Variants in GRIK4 observed in about 807,000 individuals in gnomAD.
GRIK4 encodes glutamate receptor ionotropic, kainate 4.
In GRIK4, 40 loss-of-function variants were observed where a neutral mutation model predicts 104.9. The ratio of observed to expected loss-of-function variants is 0.38; its 90% CI spans 0.30 to 0.50. The LOEUF (loss-of-function observed/expected upper bound fraction) is 0.50, where lower values mean the gene tolerates loss of function less well. Ranked by LOEUF, GRIK4 falls within the 20% of genes least tolerant of loss-of-function variation. The pLI is 0.93. For synonymous variants in GRIK4, 485 were observed against 524.9 expected, an observed-to-expected ratio of 0.92 and a Z score of 1.04; for missense variants, 1,047 against 1,308.1, an observed-to-expected ratio of 0.80 and a Z score of 3.08.
At chr11:120,954,649 C>G (rs1012322032) in intron 15 of GRIK4, among the ~76,000 whole-genome samples, 1 of 152,066 alleles carries the variant, frequency 6.6e-6, no homozygotes, top group African/African-American at 2.4e-5. Flanking sequence ...GAGCTTTCAA[C>G]CAGCCCTGGG....
At chr11:120,676,704 C>T (rs568286324) in intron 3 of GRIK4, among the ~76,000 whole-genome samples, 9 of 152,200 alleles carry the variant, frequency 5.9e-5, no homozygotes, top group South Asian at 4.1e-4. Flanking sequence ...CCCCCACAAC[C>T]CAAACACCTC....
chr11:120,610,793 T>C (rs530363042), intron 1 of GRIK4, among the ~76,000 whole-genome samples: 2 of 152,330 alleles, frequency 1.3e-5, no homozygotes, highest in East Asian at 3.9e-4. Context: ...TTGCCCATTC[T>C]GCCCTAGGGA....
intron 1 of GRIK4, among the ~76,000 whole-genome samples, chr11:120,518,292 C>T (rs1016969780): frequency 4.6e-5 from 7 of 152,200 alleles, no homozygotes; most frequent in Non-Finnish European, 1.0e-4. Flanking sequence ...GGCAGCTGTG[C>T]TGAGCACGAG....
At chr11:120,867,442 C>T (rs1954452334) in intron 9 of GRIK4, among the ~76,000 whole-genome samples, 1 of 152,144 alleles carries the variant, frequency 6.6e-6, no homozygotes, top group Non-Finnish European at 1.5e-5. Flanking sequence ...CTTTCTCTCC[C>T]TCTTCTCCCC....
intron 1 of GRIK4, among the ~76,000 whole-genome samples, chr11:120,652,294 A>G (rs1667959584): frequency 1.3e-5 from 2 of 152,234 alleles, no homozygotes; most frequent in Non-Finnish European, 1.5e-5. Context: ...ATTTTACAGA[A>G]TGAGAGACTG....
intron 1 of GRIK4, among the ~76,000 whole-genome samples, chr11:120,566,530 G>C (rs745631998): frequency 2.0e-5 from 3 of 152,222 alleles, no homozygotes; most frequent in Non-Finnish European, 4.4e-5. Flanking sequence ...CTGAGCATAT[G>C]TGGCACATAC....
At chr11:120,613,763 G>A (rs892528453) in intron 1 of GRIK4, among the ~76,000 whole-genome samples, 2 of 152,150 alleles carry the variant, frequency 1.3e-5, no homozygotes, top group African/African-American at 4.8e-5. Flanking sequence ...GCGTCTGTGT[G>A]GTCCAAGGGA....
intron 19 of GRIK4, among the ~76,000 whole-genome samples, chr11:120,978,368 T>C (rs182823630): frequency 6.6e-6 from 1 of 152,274 alleles, no homozygotes; most frequent in East Asian, 1.9e-4. Flanking sequence ...CCGAGCTAAG[T>C]CTTAAAGCAA....
At chr11:120,764,972 C>T (rs1951807928) in intron 3 of GRIK4, among the ~76,000 whole-genome samples, 1 of 152,044 alleles carries the variant, frequency 6.6e-6, no homozygotes, top group South Asian at 2.1e-4. Flanking sequence ...TTGTGGTGTT[C>T]TCTGTATTTC....
chr11:120,780,447 A>G (rs770866614), intron 3 of GRIK4, among the ~76,000 whole-genome samples: 1 of 152,214 alleles, frequency 6.6e-6, no homozygotes, highest in East Asian at 1.9e-4. Context: ...TCATCCTTGT[A>G]GTATGTGTCA....
intron 1 of GRIK4, among the ~76,000 whole-genome samples, chr11:120,514,164 G>A (rs1185026792): frequency 3.3e-5 from 5 of 152,206 alleles, no homozygotes; most frequent in Non-Finnish European, 5.9e-5. Context: ...GCTGGCCTTT[G>A]TGTGGCTGGC....
chr11:120,653,511 C>T (rs950965105), intron 1 of GRIK4, among the ~76,000 whole-genome samples, 174 bp from the exon 2 acceptor site: 7 of 152,064 alleles, frequency 4.6e-5, no homozygotes, highest in East Asian at 1.9e-4. Flanking sequence ...CCATGAGCTG[C>T]GGACAGTGAA....
chr11:120,941,107 G>T (rs1943713046), intron 14 of GRIK4, among the ~76,000 whole-genome samples: 1 of 152,174 alleles, frequency 6.6e-6, no homozygotes, highest in South Asian at 2.1e-4. Context: ...CCCTGGCTGG[G>T]TCTCATCCAT....
rs564010639 is a variant in GRIK4, at chr11:120,819,543, C to T, written c.346-212C>T. Among the ~76,000 whole-genome samples, 1 of 152,306 alleles carries T rather than the reference C, an allele frequency of 6.6e-6. No individual in the cohort carries two copies. The highest frequency in any genetic ancestry group is 1.5e-5 in the Non-Finnish European group (1 of 68,030). On this transcript the variant is annotated intron_variant, in intron 5 of 20. Transcript: ENST00000527524. This position sits in a 1 kb window ranked among gnomAD's most constrained non-coding sequence, Gnocchi z 4.3. ...GTCTCTGGACAAATAGTTTTCTGTC[C>T]TGGGGCTGCTTCTTTGAAGCATCAT...
intron 3 of GRIK4, among the ~76,000 whole-genome samples, chr11:120,772,413 G>T (rs1951964355): frequency 6.6e-6 from 1 of 152,112 alleles, no homozygotes; most frequent in African/African-American, 2.4e-5. Flanking sequence ...AGATTTTCTT[G>T]AGCACCTACT....
At chr11:120,598,163 C>T (rs962029099) in intron 1 of GRIK4, among the ~76,000 whole-genome samples, 2 of 152,128 alleles carry the variant, frequency 1.3e-5, no homozygotes, top group African/African-American at 2.4e-5. Flanking sequence ...CCTTGACCAT[C>T]GAATTTGACT....
chr11:120,962,839 T>A (rs1298479492), intron 18 of GRIK4, 158 bp downstream of exon 18: 14 of 422,010 alleles, frequency 3.3e-5, no homozygotes, highest in Admixed American at 1.3e-4. Context: ...TTTTTTTTTT[T>A]AAAGCAAACA....
chr11:120,787,165 CA>C (rs1434688036), intron 3 of GRIK4, among the ~76,000 whole-genome samples: 3 of 149,702 alleles, frequency 2.0e-5, no homozygotes, highest in East Asian at 2.0e-4. Flanking sequence ...TTAACAACAA[CA>C]AAAAAAATAC....
At chr11:120,558,017 C>CAAAAAAA (rs59960959) in intron 1 of GRIK4, among the ~76,000 whole-genome samples, 3 of 39,636 alleles carry the variant, frequency 7.6e-5, no homozygotes, top group African/African-American at 1.4e-4. Flanking sequence ...GACTCCGTCT[C>CAAAAAAA]AAAAAAAAAA....
Sources: allele counts gnomAD v4.1 joint callset (sites outside exome capture counted in the v4.1 genomes callset), GRCh38; gene constraint gnomAD v4.1.1; non-coding constraint Gnocchi (gnomAD v3.1); transcripts MANE v1.5; gene names NCBI Gene and HGNC (gene_info 2026-07-23, HGNC 2026-07-21).